ATF1: variants seen among roughly 807,000 people sequenced by gnomAD.
The protein encoded by ATF1 is cyclic AMP-dependent transcription factor ATF-1.
Under a neutral mutation model 34.7 loss-of-function variants are expected in ATF1, and 16 were observed. That is an observed-to-expected ratio of 0.46 (90% CI 0.31 to 0.70). The LOEUF is 0.70. Among genes scored for constraint, ATF1 ranks in the 30% least tolerant of loss-of-function variants. The pLI, the probability that ATF1 is intolerant of heterozygous loss-of-function variation, is 0.05. For synonymous variants in ATF1, 105 were observed against 113.1 expected (o/e 0.93, Z 0.46); for missense variants, 255 against 321.6 (o/e 0.79, Z 1.58).
At chr12:50,783,206 T>A (rs577805602) in intron 2 of ATF1, among the ~76,000 whole-genome samples, 1 of 152,282 alleles carries the variant, frequency 6.6e-6, no homozygotes, top group East Asian at 1.9e-4. Context: ...AATAATAATT[T>A]TGGGGGGTCC....
At chr12:50,766,904 A>G (rs1023351611) in intron 1 of ATF1, among the ~76,000 whole-genome samples, 3 of 152,216 alleles carry the variant, frequency 2.0e-5, no homozygotes, top group Non-Finnish European at 4.4e-5. Flanking sequence ...TGAAACTCCA[A>G]GTCGGAGGTT....
rs768694762 is a variant in ATF1 at position 50,795,926 on chromosome 12, A to T, written c.111A>T (p.Glu37Asp). ...TTTTTTAGGTATCATCTTTATCAGA[A>T]AGTGAGGAGTCCCAGGACTCATCCG... ...HIAQQVSSLS[E>D]SEESQDSSDS... The change falls in exon 3 of 7, where the codon GAA becomes GAT. Residue 37 changes from glutamate (E) to aspartate (D), a missense_variant. Transcript: ENST00000262053. 5 of 1,612,670 alleles carry T rather than the reference A, an allele frequency of 3.1e-6. No homozygotes were observed. The highest frequency in any genetic ancestry group is 3.4e-6 in the Non-Finnish European group (4 of 1,179,498).
chr12:50,774,650 G>A (rs974197464), intron 1 of ATF1, among the ~76,000 whole-genome samples: 1 of 151,856 alleles, frequency 6.6e-6, no homozygotes, highest in Non-Finnish European at 1.5e-5. Context: ...ACAAATAAAG[G>A]TTACATTCTG....
At chr12:50,814,527 C>T in intron 6 of ATF1, 88 bp downstream of exon 6, 1 of 1,314,330 alleles carries the variant, frequency 7.6e-7, no homozygotes, top group Admixed American at 2.1e-5. Flanking sequence ...TGTATACAGT[C>T]ATGGGCTGCA....
intron 3 of ATF1, among the ~76,000 whole-genome samples, chr12:50,808,880 C>T (rs900768211): frequency 3.3e-5 from 5 of 151,816 alleles, no homozygotes; most frequent in African/African-American, 1.2e-4. Context: ...GCTGGGATTA[C>T]AGGCGCCTGC....
intron 3 of ATF1, among the ~76,000 whole-genome samples, chr12:50,798,409 T>C (rs1017073216): frequency 3.3e-5 from 5 of 151,308 alleles, no homozygotes; most frequent in East Asian, 2.0e-4. Context: ...CCTGGGTTCA[T>C]GCCATTCTCC....
At chr12:50,819,234 A>C (rs911658323) in intron 6 of ATF1, among the ~76,000 whole-genome samples, 2 of 152,244 alleles carry the variant, frequency 1.3e-5, no homozygotes, top group Non-Finnish European at 2.9e-5. Flanking sequence ...ACAAACCCCC[A>C]TGCAGCAACA....
At chr12:50,814,536 C>T in intron 6 of ATF1, 97 bp downstream of exon 6, 2 of 1,276,318 alleles carry the variant, frequency 1.6e-6, no homozygotes, top group Non-Finnish European at 2.2e-6. Context: ...TCATGGGCTG[C>T]ATGACAATGT....
intron 3 of ATF1, among the ~76,000 whole-genome samples, chr12:50,804,141 A>G (rs1462086520): frequency 1.3e-5 from 2 of 152,242 alleles, no homozygotes; most frequent in African/African-American, 4.8e-5. Flanking sequence ...AAAGATTATT[A>G]GAATGGATTT....
At chr12:50,778,552 A>G (rs1043874790) in intron 1 of ATF1, among the ~76,000 whole-genome samples, 5 of 151,530 alleles carry the variant, frequency 3.3e-5, no homozygotes, top group South Asian at 2.1e-4. Context: ...ATACAGTTCT[A>G]TAGTGTTAAG....
At chr12:50,775,335 G>T (rs116180576) in intron 1 of ATF1, among the ~76,000 whole-genome samples, 1,625 of 150,680 alleles carry the variant, frequency 0.011, 28 homozygotes, top group African/African-American at 0.037. Flanking sequence ...TTTTTTTTTT[G>T]ATCATATTAG....
intron 2 of ATF1, among the ~76,000 whole-genome samples, chr12:50,794,730 G>A (rs1379241784): frequency 6.6e-6 from 1 of 151,318 alleles, no homozygotes; most frequent in Non-Finnish European, 1.5e-5. Context: ...CACCAGCCAG[G>A]GTAACATAAT....
At chr12:50,787,769 GTA>G (rs1028873677) in intron 2 of ATF1, among the ~76,000 whole-genome samples, 2 of 152,082 alleles carry the variant, frequency 1.3e-5, no homozygotes, top group Non-Finnish European at 2.9e-5. Context: ...CACAGGTGAA[GTA>G]TATGTTTGGG....
chr12:50,786,962 T>TA (rs1234805320), intron 2 of ATF1, among the ~76,000 whole-genome samples: 1 of 152,104 alleles, frequency 6.6e-6, no homozygotes, highest in African/African-American at 2.4e-5. Context: ...CCCTCTGACA[T>TA]ACCAGCCCCA....
At chr12:50,812,823 C>CA (rs1056062718) in intron 4 of ATF1, among the ~76,000 whole-genome samples, 4 of 150,816 alleles carry the variant, frequency 2.7e-5, no homozygotes, top group Admixed American at 6.6e-5. Flanking sequence ...GACCCTGTCT[C>CA]AAAAAAAATA....
intron 1 of ATF1, among the ~76,000 whole-genome samples, chr12:50,765,977 C>A (rs1331043136): frequency 6.6e-6 from 1 of 152,144 alleles, no homozygotes; most frequent in East Asian, 1.9e-4. Context: ...CCTTTACTTT[C>A]TTCATAATGT....
At chr12:50,780,270 T>C in intron 2 of ATF1, 32 bp downstream of exon 2, 1 of 1,481,524 alleles carries the variant, frequency 6.7e-7, no homozygotes, top group Non-Finnish European at 9.4e-7. Context: ...ATACTGAGCT[T>C]GTTAGGAATA....
upstream of ATF1, among the ~76,000 whole-genome samples, chr12:50,763,552 C>T: frequency 6.9e-6 from 1 of 144,026 alleles, no homozygotes; most frequent in Non-Finnish European, 1.5e-5. Flanking sequence ...GGGTTGGAGG[C>T]TGCAGTGAGT....
rs1192258164 is a variant in ATF1, at chr12:50,782,554, C to CTTTT, written c.93+2333_93+2336dup. Among the ~76,000 whole-genome samples the CTTTT allele has an allele frequency of 6.4e-5, 8 of 124,894 alleles. 2 individuals are homozygous for CTTTT. The highest frequency in any genetic ancestry group is 8.1e-5 in the Admixed American group (1 of 12,414). 81.9% of individuals were successfully genotyped at this position (124,894 alleles called of 152,430 possible). On this transcript the variant is annotated intron_variant, in intron 2 of 6. Transcript: ENST00000262053. ...ACAGGCCTGAGCCACCACACCCGGC[C>CTTTT]TTTTTTTTTTTTTTTTTTTTAGTAG...
Sources: allele counts gnomAD v4.1 joint callset (sites outside exome capture counted in the v4.1 genomes callset), GRCh38; gene constraint gnomAD v4.1.1; transcripts MANE v1.5; gene names NCBI Gene and HGNC (gene_info 2026-07-23, HGNC 2026-07-21).